Variants in PIK3R6 observed in about 807,000 individuals in gnomAD.
The protein encoded by PIK3R6 is phosphoinositide 3-kinase regulatory subunit 6.
In PIK3R6, 91 loss-of-function variants were observed where a neutral mutation model predicts 84.9. The ratio of observed to expected loss-of-function variants is 1.07; its 90% CI spans 0.90 to 1.28. PIK3R6 has a LOEUF of 1.28. PIK3R6 is among the 50% of genes most tolerant of loss of function. The pLI is 0.00. For synonymous variants in PIK3R6, 416 were observed against 411.4 expected (o/e 1.01, Z -0.13); for missense variants, 996 against 985.1 (o/e 1.01, Z -0.15).
chr17:8,814,215 C>CT (rs112750429), intron 18 of PIK3R6, among the ~76,000 whole-genome samples: 954 of 85,508 alleles, frequency 0.011, 38 homozygotes, highest in Non-Finnish European at 0.014. Flanking sequence ...AGAGAGAGAT[C>CT]TTTTTTTTTT....
Position 8,837,412 on chromosome 17 carries a change from C to A in PIK3R6, c.258+391G>T, listed in dbSNP as rs2088515007. The stretch of plus-strand genomic sequence containing the variant: ...CCCATCTTGACCCTGGACTCTCCAG[C>A]AACCCCAGACTTGGTCTTCCTGCCT... On this transcript the variant is annotated intron_variant, in intron 5 of 19. Transcript: ENST00000619866. Among the ~76,000 whole-genome samples, 4 of 152,278 alleles carry A rather than the reference C, an allele frequency of 2.6e-5. No individual in the cohort carries two copies. The South Asian group carries it at 8.3e-4, about 32-fold the overall frequency.
chr17:8,827,602 C>T (rs755485721), intron 12 of PIK3R6, among the ~76,000 whole-genome samples: 53 of 151,904 alleles, frequency 3.5e-4, no homozygotes, highest in Non-Finnish European at 5.7e-4. Context: ...GTGGAGCATG[C>T]GGTAGGAGTA....
intron 18 of PIK3R6, among the ~76,000 whole-genome samples, chr17:8,806,575 G>A (rs2151169545): frequency 6.6e-6 from 1 of 152,308 alleles, no homozygotes; most frequent in Middle Eastern, 3.4e-3. Flanking sequence ...AGCCATGGGA[G>A]CCAGTGGAAA....
intron 9 of PIK3R6, among the ~76,000 whole-genome samples, chr17:8,831,336 A>AAAAAAT (rs1287071522): frequency 1.4e-5 from 2 of 147,500 alleles, no homozygotes; most frequent in East Asian, 3.9e-4. Context: ...TCTAAAAAAA[A>AAAAAAT]AAAAAAAAAA....
At chr17:8,865,684 T>G (rs1019906790) in intron 1 of PIK3R6, among the ~76,000 whole-genome samples, 12 of 150,984 alleles carry the variant, frequency 7.9e-5, no homozygotes, top group African/African-American at 2.9e-4. Flanking sequence ...AGGACAGAGC[T>G]CTGGGTCCTG....
At chr17:8,811,024 G>T (rs145722141) in intron 18 of PIK3R6, among the ~76,000 whole-genome samples, 1 of 148,980 alleles carries the variant, frequency 6.7e-6, no homozygotes, top group Non-Finnish European at 1.5e-5. Flanking sequence ...TTTTCTATGA[G>T]GGCCTTGCCC....
At chr17:8,851,483 T>C (rs988270800) in intron 1 of PIK3R6, among the ~76,000 whole-genome samples, 2 of 151,910 alleles carry the variant, frequency 1.3e-5, no homozygotes, top group Non-Finnish European at 2.9e-5. Context: ...GGCGACAGAG[T>C]GAGACTCCGT....
chr17:8,831,793 T>C (rs532550497), intron 9 of PIK3R6, among the ~76,000 whole-genome samples: 5 of 152,174 alleles, frequency 3.3e-5, no homozygotes, highest in Non-Finnish European at 5.9e-5. Context: ...ACATATTCCA[T>C]GATACTTTGA....
chr17:8,831,648 C>T (rs1361507488), intron 9 of PIK3R6, among the ~76,000 whole-genome samples: 1 of 152,198 alleles, frequency 6.6e-6, no homozygotes, highest in African/African-American at 2.4e-5. Context: ...GTGGCCTCCA[C>T]CCAACCTGGG....
At chr17:8,826,384 C>G (rs2087917647) in intron 13 of PIK3R6, among the ~76,000 whole-genome samples, 1 of 152,144 alleles carries the variant, frequency 6.6e-6, no homozygotes, top group African/African-American at 2.4e-5. Flanking sequence ...GCCCAAATGC[C>G]CATCAATGAT....
chr17:8,804,054 T>C lies in PIK3R6; in HGVS notation c.2095A>G (p.Arg699Gly). 3 of 1,613,860 alleles carry C rather than the reference T, an allele frequency of 1.9e-6. No individual in the cohort carries two copies. The highest frequency in any genetic ancestry group is 2.5e-6 in the Non-Finnish European group (3 of 1,179,740). Residue 699 changes from arginine to glycine, a missense_variant, in exon 19 of 20, where the codon AGG (arginine) becomes GGG (glycine). Arg to Gly is a moderately radical substitution (Grantham distance 125). Transcript: ENST00000619866. ...SLDKDDQRTF[R>G]DVVRFEVAPC... Reference sequence around the variant, plus strand: ...GCCCAGCCTCACCTGACCACATCCCTGAAAGTGCGTTGATCGTCCTTGTCC... The same window carrying C: ...GCCCAGCCTCACCTGACCACATCCCCGAAAGTGCGTTGATCGTCCTTGTCC...
chr17:8,832,234 A>T (rs1237943566), intron 9 of PIK3R6, among the ~76,000 whole-genome samples: 1 of 152,244 alleles, frequency 6.6e-6, no homozygotes, highest in African/African-American at 2.4e-5. Context: ...GTTTCTGCTT[A>T]TAAGTTGACT....
intron 15 of PIK3R6, 43 bp from the exon 16 acceptor site, chr17:8,822,700 C>A (rs148859612): frequency 1.9e-6 from 3 of 1,591,430 alleles, no homozygotes; most frequent in Admixed American, 3.5e-5. Context: ...GGTTCCCAGG[C>A]CTCTTGCCCT....
rs1473423657 is a variant in PIK3R6 at position 8,828,651 on chromosome 17, AC to A, written c.1228del (p.Val410CysfsTer75). On this transcript the variant is annotated frameshift_variant, in exon 11 of 20. Coordinates refer to ENST00000619866, the MANE Select transcript of PIK3R6 (RefSeq NM_001010855.4). LOFTEE classifies it high-confidence loss of function. ...PSGDGEMLPGVSRLHTARVLV... is the reference protein window; with the variant it reads ...PSGDGEMLPGXSRLHTARVLV... The stretch of plus-strand genomic sequence containing the variant: ...TACCCGGGCTGTGTGCAGCCGGGAC[AC>A]GCCGGGCAGCATTTCCCCATCCCCA... The A allele has an allele frequency of 6.2e-7, 1 of 1,613,210 alleles. No individual in the cohort carries two copies. The highest frequency in any genetic ancestry group is 8.5e-7 in the Non-Finnish European group (1 of 1,179,644).
rs2088600920 is a variant in PIK3R6, at chr17:8,839,448, T to C, written c.97+166A>G. ...GTTGAACTAGGGAGCAGAGAAGCCT[T>C]CTCAGTCCTTCAGGCTCTAGGTATT... On this transcript the variant is annotated intron_variant, in intron 3 of 19. Coordinates refer to ENST00000619866, the MANE Select transcript of PIK3R6 (RefSeq NM_001010855.4). This position sits in a 1 kb window ranked among gnomAD's most constrained non-coding sequence, Gnocchi z 4.2. Among the ~76,000 whole-genome samples, 1 of 152,158 alleles carries C rather than the reference T, an allele frequency of 6.6e-6. No homozygotes were observed. The highest frequency in any genetic ancestry group is 2.1e-4 in the South Asian group (1 of 4,834).
chr17:8,855,891 G>T (rs1202517533), intron 1 of PIK3R6, among the ~76,000 whole-genome samples: 1 of 152,176 alleles, frequency 6.6e-6, no homozygotes, highest in Non-Finnish European at 1.5e-5. Context: ...GATATATATA[G>T]CAGCTCTATT....
intron 1 of PIK3R6, among the ~76,000 whole-genome samples, chr17:8,853,240 C>T (rs1378727442): frequency 6.6e-6 from 1 of 151,726 alleles, no homozygotes; most frequent in Non-Finnish European, 1.5e-5. Context: ...AATCCCAGCA[C>T]TTTGGGAGGC....
intron 2 of PIK3R6, among the ~76,000 whole-genome samples, chr17:8,841,498 G>A (rs1048942382): frequency 6.6e-6 from 1 of 152,130 alleles, no homozygotes; most frequent in African/African-American, 2.4e-5. Flanking sequence ...AGAATGTCCC[G>A]ACCCTTGATG....
At chr17:8,837,040 G>A (rs2088496342) in intron 5 of PIK3R6, 117 bp from the exon 6 acceptor site, 1 of 784,240 alleles carries the variant, frequency 1.3e-6, no homozygotes, top group Non-Finnish European at 2.1e-6. Context: ...AGAGGTGGAA[G>A]GTCAGGCCTA....
Sources: allele counts gnomAD v4.1 joint callset (sites outside exome capture counted in the v4.1 genomes callset), GRCh38; gene constraint gnomAD v4.1.1; non-coding constraint Gnocchi (gnomAD v3.1); transcripts MANE v1.5; gene names NCBI Gene and HGNC (gene_info 2026-07-23, HGNC 2026-07-21).